SLC22A9: variants seen among roughly 807,000 people sequenced by gnomAD.
The protein encoded by SLC22A9 is solute carrier family 22 member 9, also known as organic anion transporter 7.
Under a neutral mutation model 50.1 loss-of-function variants are expected in SLC22A9, and 64 were observed. That is an observed-to-expected ratio of 1.28 (90% CI 1.04 to 1.57). SLC22A9 has a LOEUF of 1.57. Ranked by LOEUF, SLC22A9 falls within the 40% of genes most tolerant of loss-of-function variation. The pLI is 0.00. For missense variants in SLC22A9, 757 were observed against 676.1 expected (o/e 1.12, Z -1.33); for synonymous variants, 261 against 242.5 (o/e 1.08, Z -0.71).
chr11:63,383,302 G>T (rs979833623), intron 6 of SLC22A9, among the ~76,000 whole-genome samples: 10 of 152,180 alleles, frequency 6.6e-5, no homozygotes, highest in East Asian at 3.9e-4. Context: ...AGATACTCTG[G>T]ATATCTTAAG....
chr11:63,398,472 G>A (rs1052616548), intron 6 of SLC22A9, among the ~76,000 whole-genome samples: 37 of 152,260 alleles, frequency 2.4e-4, no homozygotes, highest in African/African-American at 8.7e-4. Flanking sequence ...AGTCCATGAT[G>A]GTGAGGCTTG....
At position 63,369,912 on chromosome 11, in the gene SLC22A9, A is replaced by C. The variant is rs10897407; in HGVS notation, c.-145A>C. 3.9e-6 allele frequency: 3 copies of C among 775,560 alleles called. No individual in the cohort carries two copies. Among genetic ancestry groups the C allele is most frequent in the Non-Finnish European group, 3.9e-6 (2 of 508,878 alleles). 48.0% of individuals were successfully genotyped at this position (775,560 alleles called of 1,614,324 possible). A position where few individuals can be genotyped will look rare whatever the true frequency, so the allele number is the denominator to read the frequency against. The stretch of plus-strand genomic sequence containing the variant: ...AACTGTTTCCACGGTCCTGCTGCAG[A>C]GGGGAAGCACAGTCGTCAAGAAGAG... On this transcript the variant is annotated 5_prime_UTR_variant, in exon 1 of 10. Coordinates refer to ENST00000279178, the MANE Select transcript of SLC22A9 (RefSeq NM_080866.3).
intron 6 of SLC22A9, among the ~76,000 whole-genome samples, chr11:63,394,266 T>C (rs2014813757): frequency 6.6e-6 from 1 of 152,174 alleles, no homozygotes; most frequent in Non-Finnish European, 1.5e-5. Context: ...GTCACATTTA[T>C]ACCTTGGTTT....
In SLC22A9 at chr11:63,382,325, G is replaced by T. The variant is rs751220554; in HGVS notation, c.1073+48G>T. The T allele has an allele frequency of 1.4e-5, 19 of 1,359,242 alleles. No homozygotes were observed. The East Asian group carries it at 4.2e-4, about 30-fold the overall frequency. 84.2% of individuals were successfully genotyped at this position (1,359,242 alleles called of 1,614,324 possible). On this transcript the variant is annotated intron_variant, in intron 6 of 9. Transcript: ENST00000279178. ...GGGTAAGTTACAGTACTGGAGACAT[G>T]AATCTTGTCCTCATTTCAAGTAGTA...
rs1241613876 is a variant in SLC22A9 at position 63,406,692 on chromosome 11, C to T, written c.1269C>T (p.Ala423=). Residue 423 remains alanine, a synonymous_variant, in exon 7 of 10, where the codon GCC becomes GCT. Coordinates refer to ENST00000279178, the MANE Select transcript of SLC22A9 (RefSeq NM_080866.3). Reference sequence around the variant, plus strand: ...TCCTACTGGCAATCTGCCTTCTGGCCATCATATTTGTGCCACAAGGTGAGA... The same window carrying T: ...TCCTACTGGCAATCTGCCTTCTGGCTATCATATTTGTGCCACAAGGTGAGA... ...LMFLLAICLL[A]IIFVPQEMQT... is the part of the protein sequence containing the mutation. The T allele has an allele frequency of 1.2e-6, 2 of 1,613,416 alleles. No homozygotes were observed. The highest frequency in any genetic ancestry group is 2.7e-5 in the African/African-American group (2 of 74,880).
chr11:63,406,768 T>G, intron 7 of SLC22A9, 57 bp downstream of exon 7: 1 of 1,555,278 alleles, frequency 6.4e-7, no homozygotes, highest in Non-Finnish European at 8.7e-7. Flanking sequence ...TCTCAGGGAT[T>G]GTACTTGTCA....
intron 9 of SLC22A9, among the ~76,000 whole-genome samples, chr11:63,409,472 C>T (rs2015100516): frequency 6.6e-6 from 1 of 151,566 alleles, no homozygotes; most frequent in Non-Finnish European, 1.5e-5. Flanking sequence ...TATCTCATAA[C>T]ATTTTAAGAA....
rs2119869661 is a variant in SLC22A9, at chr11:63,373,959, A to G, written c.727A>G (p.Ile243Val). ...TACATTGGGAATGTGCCCTTCTGGT[A>G]TTGCATTTATGACCCTGGCAGGCCT... The part of the protein sequence containing the change: ...GITLGMCPSG[I>V]AFMTLAGLAF... The change falls in exon 4 of 10, where the codon ATT becomes GTT. Residue 243 changes from isoleucine to valine, a missense_variant. By Grantham distance (29) the Ile-to-Val change is conservative. Coordinates refer to ENST00000279178, the MANE Select transcript of SLC22A9 (RefSeq NM_080866.3). 4 of 1,613,584 alleles carry G rather than the reference A, an allele frequency of 2.5e-6. No homozygotes were observed. The East Asian group carries it at 6.7e-5, about 27-fold the overall frequency.
chr11:63,371,275 T>G, intron 2 of SLC22A9, 37 bp downstream of exon 2: 1 of 1,434,376 alleles, frequency 7.0e-7, no homozygotes, highest in African/African-American at 1.4e-5. Flanking sequence ...TTTAAGGGCA[T>G]TTTTTATCAA....
At chr11:63,382,097 CGCCTACAGT>C (rs1565183452) in intron 5 of SLC22A9, 53 bp from the exon 6 acceptor site, 1 of 1,254,492 alleles carries the variant, frequency 8.0e-7, no homozygotes, top group East Asian at 2.3e-5. Context: ...TTGACCAGTG[CGCCTACAGT>C]GCCTACTCTT....
At chr11:63,405,238 G>T (rs984305009) in intron 6 of SLC22A9, among the ~76,000 whole-genome samples, 3 of 152,146 alleles carry the variant, frequency 2.0e-5, no homozygotes, top group Non-Finnish European at 2.9e-5. Context: ...TTCATTTAAA[G>T]GAAGCAACAG....
intron 4 of SLC22A9, among the ~76,000 whole-genome samples, chr11:63,374,797 A>G (rs2014431922): frequency 6.6e-6 from 1 of 152,166 alleles, no homozygotes; most frequent in Non-Finnish European, 1.5e-5. Context: ...GTGATATTGG[A>G]TGAAAAGAAG....
In SLC22A9 at chr11:63,373,648, G is replaced by T; in HGVS notation, c.511G>T (p.Gly171Trp). The change falls in exon 3 of 10, where the codon GGG becomes TGG. Residue 171 changes from glycine (G) to tryptophan (W), a missense_variant. Gly to Trp is a radical substitution (Grantham distance 184, BLOSUM62 -2). Coordinates refer to ENST00000279178, the MANE Select transcript of SLC22A9 (RefSeq NM_080866.3). ...ILGGHLSDRF[G>W]RRFVLRWCYL... ...TAACCTGTTTCTGTTTCTCAGGTTT[G>T]GGAGAAGGTTCGTGCTCAGATGGTG... The T allele has an allele frequency of 6.4e-7, 1 of 1,551,840 alleles. No individual in the cohort carries two copies. The highest frequency in any genetic ancestry group is 8.7e-7 in the Non-Finnish European group (1 of 1,154,358).
intron 5 of SLC22A9, among the ~76,000 whole-genome samples, chr11:63,380,375 G>A (rs542827572): frequency 6.6e-6 from 1 of 152,002 alleles, no homozygotes; most frequent in South Asian, 2.1e-4. Context: ...TGTCATAAAG[G>A]CACATGCATA....
At chr11:63,376,879 A>C (rs1185070850) in intron 5 of SLC22A9, among the ~76,000 whole-genome samples, 1 of 152,118 alleles carries the variant, frequency 6.6e-6, no homozygotes, top group Non-Finnish European at 1.5e-5. Flanking sequence ...ATGGAAAACA[A>C]AAAAAGAGCA....
At chr11:63,370,932 C>CT (rs1200237241) in intron 1 of SLC22A9, among the ~76,000 whole-genome samples, 1 of 152,070 alleles carries the variant, frequency 6.6e-6, no homozygotes, top group African/African-American at 2.4e-5. Flanking sequence ...AAATAAAAAC[C>CT]TATAGGTTTA....
At chr11:63,382,756 AC>A (rs1011500399) in intron 6 of SLC22A9, among the ~76,000 whole-genome samples, 2 of 152,182 alleles carry the variant, frequency 1.3e-5, no homozygotes, top group African/African-American at 4.8e-5. Context: ...TAATCCCCCC[AC>A]AGAAACATTG....
chr11:63,395,814 G>C (rs568255425), intron 6 of SLC22A9, among the ~76,000 whole-genome samples: 2 of 152,246 alleles, frequency 1.3e-5, no homozygotes, highest in African/African-American at 4.8e-5. Context: ...GGTAGGAAAA[G>C]GCTATCAGGT....
intron 5 of SLC22A9, among the ~76,000 whole-genome samples, chr11:63,378,484 C>T (rs2014503534): frequency 6.6e-6 from 1 of 152,028 alleles, no homozygotes; most frequent in African/African-American, 2.4e-5. Context: ...TGTCCACACT[C>T]ACCAATTCTA....
Sources: gnomAD v4.1 joint callset for allele counts (sites outside exome capture counted in the v4.1 genomes callset) on GRCh38, gnomAD v4.1.1 for gene constraint, MANE v1.5 for transcripts, NCBI Gene and HGNC (gene_info 2026-07-23, HGNC 2026-07-21) for gene names.